The following PDLIM5 variants were observed in gnomAD, a reference collection of about 807,000 sequenced individuals.
The protein encoded by PDLIM5 is PDZ and LIM domain protein 5.
In PDLIM5, 34 loss-of-function variants were observed where a neutral mutation model predicts 64.2. The observed-to-expected ratio is 0.53, with a 90% CI of 0.40 to 0.71. PDLIM5 has a LOEUF of 0.71. PDLIM5 is among the 30% of genes least tolerant of loss of function. The probability of loss-of-function intolerance (pLI) is 0.00; values close to 1 mark genes in which losing one functional copy is unlikely to be tolerated. For missense variants in PDLIM5, 683 were observed against 733.6 expected (o/e 0.93, Z 0.80); for synonymous variants, 253 against 269.1 (o/e 0.94, Z 0.59).
chr4:94,495,966 ACT>A (rs759552447), intron 2 of PDLIM5, among the ~76,000 whole-genome samples: 8 of 151,784 alleles, frequency 5.3e-5, no homozygotes, highest in Non-Finnish European at 1.0e-4. Context: ...AGGAGAGAAA[ACT>A]CTAACAATGG....
chr4:94,478,887 G>T (rs1725571374), intron 2 of PDLIM5, among the ~76,000 whole-genome samples: 1 of 121,536 alleles, frequency 8.2e-6, no homozygotes, highest in Non-Finnish European at 1.6e-5. Flanking sequence ...AGGTGTGCTT[G>T]GTGTTTTTTT....
chr4:94,487,399 A>G (rs1578237372), intron 2 of PDLIM5, among the ~76,000 whole-genome samples: 1 of 152,334 alleles, frequency 6.6e-6, no homozygotes, highest in Non-Finnish European at 1.5e-5. Flanking sequence ...GATATCATCA[A>G]GAATCAAATG....
chr4:94,456,778 C>T (rs575536688), intron 2 of PDLIM5: 41 of 1,205,604 alleles, frequency 3.4e-5, no homozygotes, highest in South Asian at 1.8e-4. Context: ...TTTTGTGCAA[C>T]GCATGAAAAT....
intron 5 of PDLIM5, chr4:94,577,266 T>C (rs182498670): frequency 1.3e-5 from 6 of 456,896 alleles, no homozygotes; most frequent in African/African-American, 8.0e-5. Flanking sequence ...TTCTCTGAGA[T>C]AATCCCTTCT....
chr4:94,587,136 T>G (rs772086994), intron 7 of PDLIM5: 68 of 1,545,208 alleles, frequency 4.4e-5, no homozygotes, highest in Admixed American at 1.4e-4. Flanking sequence ...TTTACTTTTT[T>G]TTTTTCAACT....
chr4:94,516,577 A>G (rs2452566), intron 2 of PDLIM5, among the ~76,000 whole-genome samples: 30,446 of 151,832 alleles, frequency 0.2, 3,503 homozygotes, highest in East Asian at 0.26. Flanking sequence ...AGGCTGGAGT[A>G]TGGTAGTGCA....
chr4:94,496,664 AT>A (rs1450220198), intron 2 of PDLIM5, among the ~76,000 whole-genome samples: 1 of 151,930 alleles, frequency 6.6e-6, no homozygotes, highest in South Asian at 2.1e-4. Context: ...TAATTTTTAT[AT>A]TTTTTGTAGA....
intron 11 of PDLIM5, among the ~76,000 whole-genome samples, chr4:94,660,956 C>A (rs1002999108): frequency 6.6e-6 from 1 of 151,948 alleles, no homozygotes; most frequent in African/African-American, 2.4e-5. Context: ...TGGTGGTGGG[C>A]ACCTGTAATC....
At chr4:94,599,536 G>A (rs939358087) in intron 7 of PDLIM5, among the ~76,000 whole-genome samples, 1 of 152,148 alleles carries the variant, frequency 6.6e-6, no homozygotes, top group South Asian at 2.1e-4. Context: ...AAAAATTAAA[G>A]GTTATGAATT....
chr4:94,652,327 G>A (rs775402007), intron 9 of PDLIM5, among the ~76,000 whole-genome samples: 4 of 152,176 alleles, frequency 2.6e-5, no homozygotes, highest in Non-Finnish European at 5.9e-5. Context: ...CTGTTTTAAT[G>A]TGCAGCCAGA....
intron 2 of PDLIM5, among the ~76,000 whole-genome samples, chr4:94,522,113 C>T (rs1483328386): frequency 2.0e-5 from 3 of 151,974 alleles, no homozygotes; most frequent in Non-Finnish European, 4.4e-5. Flanking sequence ...TAGTGCAGGC[C>T]CTGCATTTCT....
chr4:94,608,047 C>G (rs943496945), intron 7 of PDLIM5: 9 of 1,520,272 alleles, frequency 5.9e-6, no homozygotes, highest in Non-Finnish European at 6.2e-6. Context: ...TATTTTACTT[C>G]TGAAAACTTA....
chr4:94,647,699 G>A (rs1741526658), intron 9 of PDLIM5, among the ~76,000 whole-genome samples: 1 of 152,106 alleles, frequency 6.6e-6, no homozygotes, highest in South Asian at 2.1e-4. Flanking sequence ...GCAGAATCCA[G>A]CAGAATATAT....
chr4:94,548,267 A>AT (rs1291761656), intron 3 of PDLIM5, among the ~76,000 whole-genome samples: 1 of 152,218 alleles, frequency 6.6e-6, no homozygotes, highest in African/African-American at 2.4e-5. Flanking sequence ...AGAAGAGCCC[A>AT]TACCTACCAC....
intron 3 of PDLIM5, among the ~76,000 whole-genome samples, chr4:94,530,373 C>T (rs1730754496): frequency 6.6e-6 from 1 of 152,034 alleles, no homozygotes; most frequent in Non-Finnish European, 1.5e-5. Flanking sequence ...AACAAAGTGA[C>T]TTGTACTGTT....
intron 8 of PDLIM5, among the ~76,000 whole-genome samples, chr4:94,620,145 A>C (rs1273869342): frequency 6.6e-6 from 1 of 152,128 alleles, no homozygotes; most frequent in African/African-American, 2.4e-5. Context: ...ATGCTTTTGA[A>C]AGTTCTTACC....
At chr4:94,607,808 CT>C (rs1386970767) in intron 7 of PDLIM5, among the ~76,000 whole-genome samples, 1 of 152,048 alleles carries the variant, frequency 6.6e-6, no homozygotes, top group East Asian at 1.9e-4. Context: ...TCCTTTTCCC[CT>C]GTAAGCGTAA....
intron 3 of PDLIM5, among the ~76,000 whole-genome samples, chr4:94,559,863 A>G (rs1309069528): frequency 6.6e-6 from 1 of 152,198 alleles, no homozygotes; most frequent in Non-Finnish European, 1.5e-5. Context: ...ACAGTAATAT[A>G]CATGTTTTTG....
chr4:94,533,227 A>T (rs1489923080), intron 3 of PDLIM5, among the ~76,000 whole-genome samples: 1 of 152,222 alleles, frequency 6.6e-6, no homozygotes, highest in African/African-American at 2.4e-5. Flanking sequence ...AACAGATCTG[A>T]TAAATATGGG....
Sources: allele counts gnomAD v4.1 joint callset (sites outside exome capture counted in the v4.1 genomes callset), GRCh38; gene constraint gnomAD v4.1.1; transcripts MANE v1.5; gene names NCBI Gene and HGNC (gene_info 2026-07-23, HGNC 2026-07-21).